The following ASIC2 variants were observed in gnomAD, a reference collection of about 807,000 sequenced individuals.
ASIC2 encodes acid sensing ion channel subunit 2.
A neutral mutation model predicts 57.3 loss-of-function variants in ASIC2; 25 were observed. The ratio of observed to expected loss-of-function variants is 0.44; its 90% CI spans 0.32 to 0.61. The LOEUF (loss-of-function observed/expected upper bound fraction) is 0.61. Among genes scored for constraint, ASIC2 ranks in the 20% least tolerant of loss-of-function variants. The pLI is 0.06. For missense variants in ASIC2, 641 were observed against 738.1 expected, an observed-to-expected ratio of 0.87 and a Z score of 1.52; for synonymous variants, 319 against 307.5, an observed-to-expected ratio of 1.04 and a Z score of -0.39.
chr17:33,345,239 C>T (rs1397111659), intron 1 of ASIC2, among the ~76,000 whole-genome samples: 1 of 152,128 alleles, frequency 6.6e-6, no homozygotes, highest in East Asian at 1.9e-4. Context: ...AGCAGTTTTT[C>T]CCCTTAGTAA....
In ASIC2 at chr17:33,887,083, G is replaced by A. The variant is rs140113203; in HGVS notation, c.555+268895C>T. On this transcript the variant is annotated intron_variant, in intron 1 of 9. Coordinates refer to the ASIC2 transcript ENST00000359872. ...TAATTTTGTTGAAACAGGAGAAAAC[G>A]ACATAAAACCTGTTCCTAGTACCCA... Among the ~76,000 whole-genome samples the A allele has an allele frequency of 4.9e-4, 75 of 152,228 alleles. 1 individual carries two copies. The highest frequency in any genetic ancestry group is 1.7e-3 in the African/African-American group (70 of 41,528).
At chr17:34,069,878 G>A (rs1909333405) in intron 1 of ASIC2, 1 of 152,130 alleles carries the variant, frequency 6.6e-6, no homozygotes, top group African/African-American at 2.4e-5. Flanking sequence ...TAGGCTTGAA[G>A]CCCAACCTGA....
chr17:33,779,390 T>C (rs958408162), intron 1 of ASIC2, among the ~76,000 whole-genome samples: 4 of 152,170 alleles, frequency 2.6e-5, no homozygotes, highest in Admixed American at 2.6e-4. Context: ...TATCAATGCA[T>C]TAAGAATGAA....
In ASIC2 at chr17:33,941,166, C is replaced by T. The variant is rs201518284; in HGVS notation, c.555+214812G>A. ...TAGGTGAGCTCAACTGTGGTGGAAACTCATGAGGGGCCAGACGAGCCTCCA... is the reference window on the plus strand; with the variant it reads ...TAGGTGAGCTCAACTGTGGTGGAAATTCATGAGGGGCCAGACGAGCCTCCA... On this transcript the variant is annotated intron_variant, in intron 1 of 9. Coordinates refer to the ASIC2 transcript ENST00000359872. Among the ~76,000 whole-genome samples the T allele has an allele frequency of 7.2e-5, 11 of 152,286 alleles. No individual in the cohort carries two copies. In the East Asian group the frequency reaches 1.7e-3, roughly 24 times the overall value.
intron 1 of ASIC2, among the ~76,000 whole-genome samples, chr17:33,854,906 G>A (rs1458159188): frequency 6.6e-6 from 1 of 152,106 alleles, no homozygotes; most frequent in East Asian, 1.9e-4. Flanking sequence ...AGAGCTCAGG[G>A]GGACTCTCTC....
At chr17:33,761,468 T>G (rs1193435531) in intron 1 of ASIC2, among the ~76,000 whole-genome samples, 1 of 152,100 alleles carries the variant, frequency 6.6e-6, no homozygotes, top group Non-Finnish European at 1.5e-5. Flanking sequence ...CAGGACTGAT[T>G]CAGAGGGACC....
At chr17:33,208,580 G>C (rs556400645) in intron 1 of ASIC2, among the ~76,000 whole-genome samples, 119 of 152,080 alleles carry the variant, frequency 7.8e-4, no homozygotes, top group African/African-American at 2.7e-3. Context: ...TTAGAGGTTG[G>C]TTTGCTGACC....
chr17:33,282,666 G>T (rs1292999104), intron 1 of ASIC2, among the ~76,000 whole-genome samples: 1 of 152,060 alleles, frequency 6.6e-6, no homozygotes, highest in Non-Finnish European at 1.5e-5. Flanking sequence ...GTAGAGATGG[G>T]GTTTCACCAT....
At chr17:33,162,798 T>C (rs1487798315) in intron 1 of ASIC2, among the ~76,000 whole-genome samples, 2 of 152,204 alleles carry the variant, frequency 1.3e-5, no homozygotes, top group Non-Finnish European at 2.9e-5. Context: ...GTGGCTCCTG[T>C]TTCTCTTCCT....
intron 1 of ASIC2, among the ~76,000 whole-genome samples, chr17:33,458,446 GGA>G (rs1799882570): frequency 6.6e-6 from 1 of 152,150 alleles, no homozygotes; most frequent in Non-Finnish European, 1.5e-5. Flanking sequence ...TGGGGAGCCA[GGA>G]GAGTTGGGTT....
chr17:33,374,237 C>G (rs1210870485), intron 1 of ASIC2, among the ~76,000 whole-genome samples: 1 of 152,022 alleles, frequency 6.6e-6, no homozygotes, highest in Admixed American at 6.6e-5. Context: ...CTCAGGTGAT[C>G]CCGCCTGCCT....
chr17:33,979,910 T>C (rs530656077), intron 1 of ASIC2, among the ~76,000 whole-genome samples: 1 of 152,052 alleles, frequency 6.6e-6, no homozygotes, highest in Non-Finnish European at 1.5e-5. Flanking sequence ...TCTCAAGTGG[T>C]CCAAAGTAAC....
chr17:33,867,382 T>C (rs1914270470), intron 1 of ASIC2, among the ~76,000 whole-genome samples: 2 of 152,188 alleles, frequency 1.3e-5, no homozygotes, highest in South Asian at 4.1e-4. Flanking sequence ...ACTAGATATA[T>C]TTATTATTCT....
At chr17:34,138,864 A>T (rs929258) in intron 1 of ASIC2, among the ~76,000 whole-genome samples, 84,762 of 152,044 alleles carry the variant, frequency 0.56, 25,099 homozygotes, top group South Asian at 0.75. Flanking sequence ...AAGTCCACCT[A>T]GGCAATGATC....
chr17:33,452,765 G>GTGTGTA (rs1912303104), intron 1 of ASIC2, among the ~76,000 whole-genome samples: 1 of 151,706 alleles, frequency 6.6e-6, no homozygotes, highest in Non-Finnish European at 1.5e-5. Context: ...GTGTGTGTGT[G>GTGTGTA]TGTGTGTGTG....
intron 1 of ASIC2, among the ~76,000 whole-genome samples, chr17:33,565,535 C>T (rs2141987318): frequency 6.6e-6 from 1 of 152,270 alleles, no homozygotes; most frequent in East Asian, 1.9e-4. Flanking sequence ...ACTTCATCTG[C>T]CTTACCAGTG....
At chr17:34,018,165 T>C (rs978878842) in intron 1 of ASIC2, among the ~76,000 whole-genome samples, 1 of 152,224 alleles carries the variant, frequency 6.6e-6, no homozygotes, top group African/African-American at 2.4e-5. Flanking sequence ...CAATGCTCAT[T>C]TGATATCTGA....
intron 1 of ASIC2, among the ~76,000 whole-genome samples, chr17:33,544,277 G>A (rs115082012): frequency 1.2e-3 from 190 of 152,214 alleles, no homozygotes; most frequent in African/African-American, 4.4e-3. Context: ...CACTTTGTTC[G>A]TCCACGCACC....
At chr17:33,695,466 T>G (rs1485323094) in intron 1 of ASIC2, among the ~76,000 whole-genome samples, 1 of 152,218 alleles carries the variant, frequency 6.6e-6, no homozygotes, top group Non-Finnish European at 1.5e-5. Flanking sequence ...TGCATTACTT[T>G]TAAAATTGCT....
Sources: allele counts gnomAD v4.1 joint callset (sites outside exome capture counted in the v4.1 genomes callset), GRCh38; gene constraint gnomAD v4.1.1; transcripts MANE v1.5; gene names NCBI Gene and HGNC (gene_info 2026-07-23, HGNC 2026-07-21).